BBS2: variants seen among roughly 807,000 people sequenced by gnomAD.
BBS2 encodes the protein BBSome complex member BBS2.
In BBS2, 62 loss-of-function variants were observed where a neutral mutation model predicts 83.0. That is an observed-to-expected ratio of 0.75 (90% CI 0.61 to 0.92). The LOEUF (loss-of-function observed/expected upper bound fraction) is 0.92, where lower values mean the gene tolerates loss of function less well. Ranked by LOEUF, BBS2 falls within the 40% of genes least tolerant of loss-of-function variation. The pLI, the probability that BBS2 is intolerant of heterozygous loss-of-function variation, is 0.00. For synonymous variants in BBS2, 303 were observed against 326.1 expected, an observed-to-expected ratio of 0.93 and a Z score of 0.76; for missense variants, 784 against 901.0, an observed-to-expected ratio of 0.87 and a Z score of 1.66.
In BBS2 at chr16:56,475,393, C is replaced by G; in HGVS notation, c.*1-4698G>C. The G allele has an allele frequency of 3.2e-6, 3 of 931,998 alleles. No individual in the cohort carries two copies. In the Admixed American group the frequency reaches 5.4e-5, roughly 17 times the overall value. 57.7% of individuals were successfully genotyped at this position (931,998 alleles called of 1,614,324 possible). ...AGCTCATAAGTCATAGAACCAGTTA[C>G]TGCTGAACTCCCAGATCCCCCACTG... On this transcript the variant is annotated intron_variant, in intron 17 of 17. Coordinates refer to the BBS2 transcript ENST00000682047.
chr16:56,478,651 A>C (rs1963580484), intron 17 of BBS2: 1 of 152,234 alleles, frequency 6.6e-6, no homozygotes, highest in Non-Finnish European at 1.5e-5. Context: ...GGCACCATCC[A>C]AGGCCAATTT....
At chr16:56,471,953 CTGTTTGTT>C (rs35730390) in intron 17 of BBS2, among the ~76,000 whole-genome samples, 3 of 151,500 alleles carry the variant, frequency 2.0e-5, no homozygotes, top group East Asian at 2.0e-4. Context: ...TTATCCACTT[CTGTTTGTT>C]TGTTTGTTTG....
At chr16:56,514,780 CAA>C (rs1276742950) in intron 1 of BBS2, 100 bp from the exon 2 acceptor site, 44 of 855,366 alleles carry the variant, frequency 5.1e-5, no homozygotes, top group Non-Finnish European at 8.2e-5. Flanking sequence ...TCCACATTAA[CAA>C]GAGGTCACTT....
chr16:56,499,745 A>G (rs1203737629), intron 12 of BBS2, 33 bp downstream of exon 12: 1 of 1,613,300 alleles, frequency 6.2e-7, no homozygotes, highest in African/African-American at 1.3e-5. Flanking sequence ...TCTACTGTGT[A>G]AAAGCATTGA....
chr16:56,494,930 C>T (rs1252160124), intron 15 of BBS2, among the ~76,000 whole-genome samples: 4 of 150,982 alleles, frequency 2.6e-5, no homozygotes, highest in African/African-American at 9.8e-5. Context: ...CCACTGCACT[C>T]CAGCCTGGGC....
At chr16:56,509,230 G>A (rs4783943) in intron 5 of BBS2, 29,140 of 152,248 alleles carry the variant, frequency 0.19, 3,025 homozygotes, top group Non-Finnish European at 0.24. Context: ...ATACAGGCGC[G>A]GTGGGTCACC....
intron 15 of BBS2, among the ~76,000 whole-genome samples, chr16:56,493,571 A>G (rs1346174846): frequency 6.6e-6 from 1 of 152,130 alleles, no homozygotes; most frequent in Non-Finnish European, 1.5e-5. Context: ...CAGGAATGGA[A>G]AGTTAGACTT....
intron 11 of BBS2, 70 bp from the exon 12 acceptor site, chr16:56,499,977 A>G (rs1248969184): frequency 6.3e-7 from 1 of 1,588,270 alleles, no homozygotes; most frequent in African/African-American, 1.3e-5. Flanking sequence ...CAAGGCCCAG[A>G]AAATAAAGCC....
intron 15 of BBS2, among the ~76,000 whole-genome samples, chr16:56,494,966 A>T (rs1267534936): frequency 6.6e-6 from 1 of 151,940 alleles, no homozygotes; most frequent in African/African-American, 2.4e-5. Context: ...CGTCTCGAAA[A>T]AAAAAAAAAA....
At chr16:56,518,298 T>C (rs1360000878) in intron 1 of BBS2, among the ~76,000 whole-genome samples, 3 of 152,192 alleles carry the variant, frequency 2.0e-5, no homozygotes, top group Non-Finnish European at 4.4e-5. Context: ...GTTACACAAA[T>C]CCTAGCTTAT....
intron 12 of BBS2, 115 bp downstream of exon 12, chr16:56,499,663 T>C: frequency 7.0e-7 from 1 of 1,429,658 alleles, no homozygotes; most frequent in South Asian, 1.2e-5. Context: ...AATTCTTTCA[T>C]ATCATATTTA....
Position 56,519,958 on chromosome 16 carries a change from T to C in BBS2, c.-96A>G. 3 of 1,093,484 alleles carry C rather than the reference T, an allele frequency of 2.7e-6. No homozygotes were observed. In the South Asian group the frequency reaches 3.9e-5, roughly 14 times the overall value. 67.7% of individuals were successfully genotyped at this position (1,093,484 alleles called of 1,614,324 possible). ...GGGCAAGAAGTGCAGGGACACTACCTGCGCGGCCCCAGCCGCCTCAGGCCG... is the reference window on the plus strand; with the variant it reads ...GGGCAAGAAGTGCAGGGACACTACCCGCGCGGCCCCAGCCGCCTCAGGCCG... On this transcript the variant is annotated 5_prime_UTR_variant, in exon 1 of 17. Coordinates refer to ENST00000245157, the MANE Select transcript of BBS2 (RefSeq NM_031885.5).
Position 56,484,699 on chromosome 16 carries a change from A to T in BBS2, c.*62T>A. ...TTCACCAGGGTGTGATCCAAAGCAA[A>T]CCAGCATAGGTTTTTAACAGAAAAT... On this transcript the variant is annotated 3_prime_UTR_variant, in exon 17 of 17. Coordinates refer to ENST00000245157, the MANE Select transcript of BBS2 (RefSeq NM_031885.5). 1 of 1,475,098 alleles carries T rather than the reference A, an allele frequency of 6.8e-7. No individual in the cohort carries two copies. The highest frequency in any genetic ancestry group is 9.4e-7 in the Non-Finnish European group (1 of 1,058,352). 91.4% of individuals were successfully genotyped at this position (1,475,098 alleles called of 1,614,324 possible). A position where few individuals can be genotyped will look rare whatever the true frequency, so the allele number is the denominator to read the frequency against.
At position 56,499,851 on chromosome 16, in the gene BBS2, G is replaced by A. The variant is rs376115616; in HGVS notation, c.1454C>T (p.Ala485Val). 89 of 1,614,014 alleles carry A rather than the reference G, an allele frequency of 5.5e-5. No homozygotes were observed. The Admixed American group carries it at 5.8e-4, about 11-fold the overall frequency. The change falls in exon 12 of 17, where the codon GCG becomes GTG. Residue 485 changes from alanine (A) to valine (V), a missense_variant. By Grantham distance (64) the Ala-to-Val change is moderately conservative (BLOSUM62 0). Coordinates refer to ENST00000245157, the MANE Select transcript of BBS2 (RefSeq NM_031885.5). ...TRQLPRFSMYALTSLDPASEP... is the reference protein window; with the variant it reads ...TRQLPRFSMYVLTSLDPASEP... ...ACTGGCAGGGTCCAGGCTGGTCAGC[G>A]CATACATGGAGAATCGAGGGAGCTG...
At chr16:56,475,995 T>G (rs1403629359) in intron 17 of BBS2, 10 of 1,516,822 alleles carry the variant, frequency 6.6e-6, no homozygotes, top group South Asian at 1.2e-5. Flanking sequence ...ATCCAAGATT[T>G]GAGAATAAGT....
At position 56,514,683 on chromosome 16, in the gene BBS2, G is replaced by C; in HGVS notation, c.118-3C>G. The stretch of plus-strand genomic sequence containing the variant: ...GTATGAGGATTATGAATAAAAACCT[G>C]AAACAAAAATAACTAATTACATTCC... On this transcript the variant is annotated splice_region_variant and splice_polypyrimidine_tract_variant and intron_variant, in intron 1 of 16. Transcript: ENST00000245157. 6.2e-7 allele frequency: 1 copy of C among 1,605,874 alleles called. No individual in the cohort carries two copies. The highest frequency in any genetic ancestry group is 8.5e-7 in the Non-Finnish European group (1 of 1,173,120).
Position 56,510,901 on chromosome 16 carries a change from A to C in BBS2, c.492T>G (p.Asn164Lys), listed in dbSNP as rs779800067. 1.9e-6 allele frequency: 3 copies of C among 1,614,154 alleles called. No individual in the cohort carries two copies. Among genetic ancestry groups the C allele is most frequent in the Non-Finnish European group, 1.7e-6 (2 of 1,179,988 alleles). Residue 164 changes from asparagine (N) to lysine (K), a missense_variant, in exon 4 of 17, where the codon AAT becomes AAG. By Grantham distance (94) the Asn-to-Lys change is moderately conservative (BLOSUM62 0). Coordinates refer to ENST00000245157, the MANE Select transcript of BBS2 (RefSeq NM_031885.5). ...LFWTVTGDNV[N>K]SLALCDFDGD... The stretch of plus-strand genomic sequence containing the variant: ...CATCAAAGTCACACAAGGCCAAGGA[A>C]TTAACATTGTCTCCAGTAACCTGAA...
rs1348539618 is a variant in BBS2 at position 56,519,797 on chromosome 16, C to A, written c.66G>T (p.Gly22=). 1.2e-6 allele frequency: 2 copies of A among 1,613,688 alleles called. No homozygotes were observed. Among genetic ancestry groups the A allele is most frequent in the Non-Finnish European group, 1.7e-6 (2 of 1,179,828 alleles). ...HKISPRMVAI[G]RYDGTHPCLA... ...GGCACGGGTGAGTCCCGTCGTAGCG[C>A]CCTATGGCCACCATTCGGGGGCTGA... is the stretch of plus-strand genomic sequence containing the variant. The change falls in exon 1 of 17, where the codon GGG becomes GGT. Residue 22 remains glycine, a synonymous_variant. Transcript: ENST00000245157.
chr16:56,475,975 A>G lies in BBS2; in HGVS notation c.*1-5280T>C, dbSNP rs531843311. On this transcript the variant is annotated intron_variant, in intron 17 of 17. Coordinates refer to the BBS2 transcript ENST00000682047. Reference sequence around the variant, plus strand: ...GCTTGATATGGAAACCATCTGTTCCATGGTTAATCATCCAAGATTTGAGAA... The same window carrying G: ...GCTTGATATGGAAACCATCTGTTCCGTGGTTAATCATCCAAGATTTGAGAA... 97 of 1,391,616 alleles carry G rather than the reference A, an allele frequency of 7.0e-5. 2 individuals carry two copies. In the East Asian group the frequency reaches 8.4e-4, roughly 12 times the overall value. 86.2% of individuals were successfully genotyped at this position (1,391,616 alleles called of 1,614,324 possible).
Sources: allele counts gnomAD v4.1 joint callset (sites outside exome capture counted in the v4.1 genomes callset), GRCh38; gene constraint gnomAD v4.1.1; transcripts MANE v1.5; gene names NCBI Gene and HGNC (gene_info 2026-07-23, HGNC 2026-07-21).